ZFPM2: variants seen among roughly 807,000 people sequenced by gnomAD.
ZFPM2 encodes zinc finger protein ZFPM2.
Under a neutral mutation model 98.6 loss-of-function variants are expected in ZFPM2, and 20 were observed. The observed-to-expected ratio is 0.20, with a 90% CI of 0.14 to 0.29. The LOEUF (loss-of-function observed/expected upper bound fraction) is 0.29. Ranked by LOEUF, ZFPM2 falls within the 10% of genes least tolerant of loss-of-function variation. The pLI is 1.00. For missense variants in ZFPM2, 1,310 were observed against 1,388.6 expected, an observed-to-expected ratio of 0.94 and a Z score of 0.90; for synonymous variants, 518 against 502.7, an observed-to-expected ratio of 1.03 and a Z score of -0.41.
At position 105,720,940 on chromosome 8, in the gene ZFPM2, G is replaced by A. The variant is rs182471468; in HGVS notation, c.533-67778G>A. ...GTAAAAGTAGGGTCTTGGGCCTTTC[G>A]TTGTGTAAATGAAAAAGCCTTTTGT... On this transcript the variant is annotated intron_variant, in intron 5 of 7. Transcript: ENST00000407775. 1.6e-4 allele frequency among the ~76,000 whole-genome samples: 24 copies of A among 151,772 alleles called. No individual in the cohort carries two copies. In the East Asian group the frequency reaches 2.4e-3, roughly 15 times the overall value.
chr8:105,801,932 A>G lies in ZFPM2; in HGVS notation c.1850A>G (p.Glu617Gly). Residue 617 changes from glutamate (E) to glycine (G), a missense_variant, in exon 8 of 8, where the codon GAG becomes GGG. Coordinates refer to ENST00000407775, the MANE Select transcript of ZFPM2 (RefSeq NM_012082.4). ...CCAGCTGCTCATTCTGCTGATCCTG[A>G]GAATCCACTTCTTCAAACATCTTGC... ...LNPAAHSADPENPLLQTSCIN... is the reference protein window; with the variant it reads ...LNPAAHSADPGNPLLQTSCIN... 6.2e-7 allele frequency: 1 copy of G among 1,613,912 alleles called. No individual in the cohort carries two copies. The highest frequency in any genetic ancestry group is 8.5e-7 in the Non-Finnish European group (1 of 1,179,874).
intron 5 of ZFPM2, among the ~76,000 whole-genome samples, chr8:105,711,173 T>C (rs984015194): frequency 3.9e-5 from 6 of 152,124 alleles, no homozygotes; most frequent in Admixed American, 3.3e-4. Flanking sequence ...AACAAGAATA[T>C]TTGGGACACA....
rs1200975831 is a variant in ZFPM2 at position 105,419,121 on chromosome 8, A to G, written c.41-23A>G. 1.9e-6 allele frequency: 3 copies of G among 1,604,194 alleles called. No homozygotes were observed. The South Asian group carries it at 3.4e-5, about 18-fold the overall frequency. On this transcript the variant is annotated intron_variant, in intron 1 of 7. Transcript: ENST00000407775. ...TGTCTTCCTTGCATATTTTTGGTAC[A>G]GTTTCCCTGATTCTTTTTCAAGGGC...
At chr8:105,589,878 A>C (rs977684520) in intron 4 of ZFPM2, among the ~76,000 whole-genome samples, 1 of 146,184 alleles carries the variant, frequency 6.8e-6, no homozygotes, top group Non-Finnish European at 1.5e-5. Context: ...CGTGCCACCA[A>C]GTCTGGCTAA....
chr8:105,627,432 A>G (rs151153607), intron 4 of ZFPM2, among the ~76,000 whole-genome samples: 7 of 152,286 alleles, frequency 4.6e-5, no homozygotes, highest in Admixed American at 1.3e-4. Context: ...TTTTTAAAAA[A>G]GAAGACATTC....
intron 5 of ZFPM2, chr8:105,662,329 C>G (rs1817406724): frequency 1.3e-5 from 2 of 151,960 alleles, no homozygotes; most frequent in Admixed American, 6.6e-5. Flanking sequence ...AATAATGTGG[C>G]AGGAGTGGGT....
At chr8:105,717,029 G>A (rs1811541847) in intron 5 of ZFPM2, among the ~76,000 whole-genome samples, 1 of 152,018 alleles carries the variant, frequency 6.6e-6, no homozygotes, top group Non-Finnish European at 1.5e-5. Context: ...AGAGGAGGAA[G>A]TGCTGATACA....
Position 105,318,734 on chromosome 8 carries a change from G to C in ZFPM2, c.-208G>C, listed in dbSNP as rs1291114836. 1 of 148,292 alleles carries C rather than the reference G, an allele frequency of 6.7e-6. No individual in the cohort carries two copies. The highest frequency in any genetic ancestry group is 1.5e-5 in the Non-Finnish European group (1 of 68,198). 9.2% of individuals were successfully genotyped at this position (148,292 alleles called of 1,614,324 possible). A position where few individuals can be genotyped will look rare whatever the true frequency, so the allele number is the denominator to read the frequency against. ...TCACTGTCACACTCTCTGTGCCCCC[G>C]TCTCTCTTCTCTCATTTGCTTGCTC... On this transcript the variant is annotated 5_prime_UTR_variant, in exon 1 of 8. Transcript: ENST00000407775.
chr8:105,508,242 C>A (rs181752918), intron 3 of ZFPM2, among the ~76,000 whole-genome samples: 23 of 152,232 alleles, frequency 1.5e-4, no homozygotes, highest in Admixed American at 9.8e-4. Context: ...GAGTACCAGT[C>A]CAACCAGTAA....
intron 5 of ZFPM2, among the ~76,000 whole-genome samples, chr8:105,679,571 C>T (rs574595504): frequency 5.9e-5 from 9 of 151,870 alleles, no homozygotes; most frequent in Non-Finnish European, 1.0e-4. Flanking sequence ...AAAGTCCATA[C>T]ATAATGGAAT....
At chr8:105,386,944 T>A (rs1285642274) in intron 1 of ZFPM2, among the ~76,000 whole-genome samples, 1 of 152,158 alleles carries the variant, frequency 6.6e-6, no homozygotes, top group Non-Finnish European at 1.5e-5. Flanking sequence ...ATACAGAGTG[T>A]TGATTGGTGC....
At chr8:105,526,917 C>T (rs1163527309) in intron 3 of ZFPM2, among the ~76,000 whole-genome samples, 1 of 152,084 alleles carries the variant, frequency 6.6e-6, no homozygotes, top group African/African-American at 2.4e-5. Context: ...TCTTAGGTTG[C>T]CTCCATTTAC....
intron 6 of ZFPM2, among the ~76,000 whole-genome samples, chr8:105,789,633 A>G (rs1028951221): frequency 3.3e-5 from 5 of 151,382 alleles, no homozygotes; most frequent in Non-Finnish European, 5.9e-5. Context: ...TGGTATTTCT[A>G]GTTCTAGATC....
chr8:105,714,580 A>T (rs1195862219), intron 5 of ZFPM2, among the ~76,000 whole-genome samples: 1 of 152,008 alleles, frequency 6.6e-6, no homozygotes, highest in Non-Finnish European at 1.5e-5. Flanking sequence ...TTTATCACTT[A>T]ATCATTTTAG....
At chr8:105,586,359 C>T (rs1280475169) in intron 4 of ZFPM2, among the ~76,000 whole-genome samples, 2 of 146,556 alleles carry the variant, frequency 1.4e-5, no homozygotes, top group African/African-American at 2.5e-5. Context: ...TCTTTTTTAT[C>T]GCTTTCATAT....
chr8:105,701,435 A>G (rs1300659390), intron 5 of ZFPM2, among the ~76,000 whole-genome samples: 1 of 152,224 alleles, frequency 6.6e-6, no homozygotes, highest in African/African-American at 2.4e-5. Context: ...GTAATATACA[A>G]CCTATTTTTG....
chr8:105,654,462 A>T (rs1018682344), intron 5 of ZFPM2, among the ~76,000 whole-genome samples: 10 of 152,158 alleles, frequency 6.6e-5, no homozygotes, highest in African/African-American at 2.4e-4. Flanking sequence ...ACAAGGTTTA[A>T]ATCTGCAGAC....
At chr8:105,761,169 G>T (rs192978231) in intron 5 of ZFPM2, among the ~76,000 whole-genome samples, 34 of 152,074 alleles carry the variant, frequency 2.2e-4, no homozygotes, top group Non-Finnish European at 3.8e-4. Flanking sequence ...TGACATCTCA[G>T]TACACAGATC....
At chr8:105,510,089 G>A (rs1489619031) in intron 3 of ZFPM2, among the ~76,000 whole-genome samples, 1 of 152,046 alleles carries the variant, frequency 6.6e-6, no homozygotes, top group Admixed American at 6.6e-5. Flanking sequence ...ACCAGTCCTA[G>A]TTCAACTGTA....
Sources: gnomAD v4.1 joint callset for allele counts (sites outside exome capture counted in the v4.1 genomes callset) on GRCh38, gnomAD v4.1.1 for gene constraint, MANE v1.5 for transcripts, NCBI Gene and HGNC (gene_info 2026-07-23, HGNC 2026-07-21) for gene names.